The following ZSCAN21 variants were observed in gnomAD, a reference collection of about 807,000 sequenced individuals.
ZSCAN21 encodes zinc finger and SCAN domain containing 21, also known as zinc finger and SCAN domain-containing protein 21.
ZSCAN21 carries 26 observed loss-of-function variants against 35.6 expected under a neutral mutation model. The ratio of observed to expected loss-of-function variants is 0.73; its 90% CI spans 0.54 to 1.01. The LOEUF (loss-of-function observed/expected upper bound fraction) is 1.01, where lower values mean the gene tolerates loss of function less well. Ranked by LOEUF, ZSCAN21 falls within the 50% of genes least tolerant of loss-of-function variation. ZSCAN21 has a pLI of 0.00. For synonymous variants in ZSCAN21, 219 were observed against 219.3 expected (o/e 1.00, Z 0.01); for missense variants, 593 against 587.1 (o/e 1.01, Z -0.10).
In ZSCAN21 at chr7:100,049,780, G is replaced by GGGTGCGCGGTCCCGA. The variant is rs1791785242; in HGVS notation, c.-154_-140dup. On this transcript the variant is annotated 5_prime_UTR_variant, in exon 1 of 4. Coordinates refer to ENST00000292450, the MANE Select transcript of ZSCAN21 (RefSeq NM_145914.3). ...GGGGGCGGGGCTATGACGCACTTCC[G>GGGTGCGCGGTCCCGA]GGTGCGCGGTCCCGAGGTACGCGGT... 6.6e-6 allele frequency: 1 copy of GGGTGCGCGGTCCCGA among 152,318 alleles called. No individual in the cohort carries two copies. Among genetic ancestry groups the GGGTGCGCGGTCCCGA allele is most frequent in the Non-Finnish European group, 1.5e-5 (1 of 68,086 alleles). 9.4% of individuals were successfully genotyped at this position (152,318 alleles called of 1,614,324 possible).
At chr7:100,055,217 A>G (rs558940677) in intron 1 of ZSCAN21, among the ~76,000 whole-genome samples, 29 of 151,488 alleles carry the variant, frequency 1.9e-4, no homozygotes, top group Non-Finnish European at 3.7e-4. Context: ...TGGCCTCTCA[A>G]AGTGCTGGGA....
rs1562850874 is a variant in ZSCAN21, at chr7:100,064,021, CGTTA to C, written c.827_830del (p.Arg276LeufsTer209). Reference sequence around the variant, plus strand: ...TACTAAACCTACCCCAGGAGAGAGACGTTATATATGTGCTGAATGTGGCAAAGCC... The same window carrying C: ...TACTAAACCTACCCCAGGAGAGAGACTATATGTGCTGAATGTGGCAAAGCC... On this transcript the variant is annotated frameshift_variant, in exon 4 of 4. Coordinates refer to ENST00000292450, the MANE Select transcript of ZSCAN21 (RefSeq NM_145914.3). LOFTEE classifies it high-confidence loss of function. 4 of 1,614,082 alleles carry C rather than the reference CGTTA, an allele frequency of 2.5e-6. No individual in the cohort carries two copies. The highest frequency in any genetic ancestry group is 3.4e-6 in the Non-Finnish European group (4 of 1,180,010).
At chr7:100,062,632 C>A (rs1376367135) in intron 3 of ZSCAN21, among the ~76,000 whole-genome samples, 1 of 150,986 alleles carries the variant, frequency 6.6e-6, no homozygotes, top group Non-Finnish European at 1.5e-5. Context: ...GTGGCTCACG[C>A]CTGTAATCCC....
chr7:100,052,702 A>G (rs1377736609), intron 1 of ZSCAN21, among the ~76,000 whole-genome samples: 5 of 152,226 alleles, frequency 3.3e-5, no homozygotes, highest in African/African-American at 1.2e-4. Context: ...AGTTGTGAGT[A>G]TATAGATGGT....
Position 100,057,109 on chromosome 7 carries a change from G to A in ZSCAN21, c.103G>A (p.Gly35Ser). The change falls in exon 2 of 4, where the codon GGC becomes AGC. Residue 35 changes from glycine (G) to serine (S), a missense_variant. Coordinates refer to ENST00000292450, the MANE Select transcript of ZSCAN21 (RefSeq NM_145914.3). ...MVKVEEKEEKGKYLPSLEMFR... is the reference protein window; with the variant it reads ...MVKVEEKEEKSKYLPSLEMFR... The stretch of plus-strand genomic sequence containing the variant: ...AAAAGTCGAGGAGAAAGAAGAGAAA[G>A]GCAAGTACCTTCCTAGCCTGGAGAT... 2 of 1,614,142 alleles carry A rather than the reference G, an allele frequency of 1.2e-6. No individual in the cohort carries two copies. The highest frequency in any genetic ancestry group is 1.7e-6 in the Non-Finnish European group (2 of 1,180,030).
chr7:100,063,752 A>G, intron 3 of ZSCAN21, 36 bp from the exon 4 acceptor site: 1 of 1,552,826 alleles, frequency 6.4e-7, no homozygotes, highest in Non-Finnish European at 8.7e-7. Context: ...AGAACAAGAA[A>G]CAACTGAAGT....
At chr7:100,058,707 G>A (rs1792171743) in intron 3 of ZSCAN21, among the ~76,000 whole-genome samples, 1 of 152,178 alleles carries the variant, frequency 6.6e-6, no homozygotes, top group African/African-American at 2.4e-5. Context: ...CCCCTGTGGG[G>A]GTGTTTTTGT....
At chr7:100,051,597 C>T (rs1037507060) in intron 1 of ZSCAN21, 3 of 151,966 alleles carry the variant, frequency 2.0e-5, no homozygotes, top group African/African-American at 7.2e-5. Context: ...GCCGGGCCCC[C>T]TAGGGATTTT....
Position 100,063,914 on chromosome 7 carries a change from A to G in ZSCAN21, c.719A>G (p.Gln240Arg). The G allele has an allele frequency of 6.2e-7, 1 of 1,614,188 alleles. No homozygotes were observed. The highest frequency in any genetic ancestry group is 2.2e-5 in the East Asian group (1 of 44,884). ...AAACCTGAGGCCAGCTTAGAGAGGC[A>G]GTGCGTAAACCTTGAAAATGAAAAA... is the stretch of plus-strand genomic sequence containing the variant. The part of the protein sequence containing the change: ...ANKPEASLER[Q>R]CVNLENEKGT... The change falls in exon 4 of 4, where the codon CAG (glutamine) becomes CGG (arginine). Residue 240 changes from glutamine (Q) to arginine (R), a missense_variant. By Grantham distance (43) the Gln-to-Arg change is conservative. Coordinates refer to ENST00000292450, the MANE Select transcript of ZSCAN21 (RefSeq NM_145914.3).
chr7:100,053,546 A>ATACATACATAGTT (rs755978112), intron 1 of ZSCAN21, among the ~76,000 whole-genome samples: 10 of 79,488 alleles, frequency 1.3e-4, no homozygotes, highest in Middle Eastern at 5.0e-3. Flanking sequence ...TACATACATA[A>ATACATACATAGTT]TTTTTTTTTT....
chr7:100,063,653 A>G lies in ZSCAN21; in HGVS notation c.593-135A>G, dbSNP rs184267613. ...ATTGGATGCTGATTTACTTGTATCT[A>G]TGCGCTATCATGAGCTCTGTTTAGT... On this transcript the variant is annotated intron_variant, in intron 3 of 3. Coordinates refer to ENST00000292450, the MANE Select transcript of ZSCAN21 (RefSeq NM_145914.3). The G allele has an allele frequency of 5.3e-4, 397 of 744,876 alleles. No individual in the cohort carries two copies. The African/African-American group carries it at 5.8e-3, about 11-fold the overall frequency. The allele number at this position is 744,876 out of a possible 1,614,324, so 46.1% of individuals were successfully genotyped here.
chr7:100,064,006 AC>A lies in ZSCAN21; in HGVS notation c.815del (p.Pro272GlnfsTer214). The A allele has an allele frequency of 6.2e-7, 1 of 1,614,088 alleles. No homozygotes were observed. Among genetic ancestry groups the A allele is most frequent in the Non-Finnish European group, 8.5e-7 (1 of 1,180,002 alleles). On this transcript the variant is annotated frameshift_variant, in exon 4 of 4. Coordinates refer to ENST00000292450, the MANE Select transcript of ZSCAN21 (RefSeq NM_145914.3). LOFTEE classifies it high-confidence loss of function. ...KGRESVPTKP[T>X]PGERRYICAE... ...TAGAGAATCAGTTCCTACTAAACCT[AC>A]CCCAGGAGAGAGACGTTATATATGT...
rs373675497 is a variant in ZSCAN21 at position 100,064,762 on chromosome 7, A to G, written c.*145A>G. ...GGGATGCCTGAGGAGTGCGAGCTCC[A>G]CAGCAACATGGCAGGCAGGAGGTCC... On this transcript the variant is annotated 3_prime_UTR_variant, in exon 4 of 4. Coordinates refer to ENST00000292450, the MANE Select transcript of ZSCAN21 (RefSeq NM_145914.3). 50 of 1,614,124 alleles carry G rather than the reference A, an allele frequency of 3.1e-5. No individual in the cohort carries two copies. In the African/African-American group the frequency reaches 6.3e-4, roughly 20 times the overall value.
chr7:100,054,432 TAG>T (rs1792002342), intron 1 of ZSCAN21, among the ~76,000 whole-genome samples: 1 of 151,704 alleles, frequency 6.6e-6, no homozygotes, highest in Admixed American at 6.6e-5. Flanking sequence ...GTATTTTTAG[TAG>T]AGACGGGGTT....
intron 1 of ZSCAN21, among the ~76,000 whole-genome samples, chr7:100,052,807 A>G (rs1363338222): frequency 6.6e-6 from 1 of 152,052 alleles, no homozygotes; most frequent in Non-Finnish European, 1.5e-5. Context: ...GTCTTTATGC[A>G]TTGTACATTT....
chr7:100,053,546 A>T (rs113697967), intron 1 of ZSCAN21, among the ~76,000 whole-genome samples: 112 of 79,462 alleles, frequency 1.4e-3, no homozygotes, highest in African/African-American at 5.8e-3. Context: ...TACATACATA[A>T]TTTTTTTTTT....
chr7:100,057,185 G>A lies in ZSCAN21; in HGVS notation c.179G>A (p.Arg60Gln), dbSNP rs769583600. The change falls in exon 2 of 4, where the codon CGA becomes CAA. Residue 60 changes from arginine (R) to glutamine (Q), a missense_variant. By Grantham distance (43) the Arg-to-Gln change is conservative. Transcript: ENST00000292450. Reference sequence around the variant, plus strand: ...GGGTACCATGATACCCCTGGACCCCGAGAGGCCCTGAGCCAACTCCGGGTG... The same window carrying A: ...GGGTACCATGATACCCCTGGACCCCAAGAGGCCCTGAGCCAACTCCGGGTG... ...QFGYHDTPGP[R>Q]EALSQLRVLC... is the part of the protein sequence containing the mutation. 1.1e-5 allele frequency: 18 copies of A among 1,613,754 alleles called. No homozygotes were observed. Among genetic ancestry groups the A allele is most frequent in the East Asian group, 1.1e-4 (5 of 44,878 alleles).
In ZSCAN21 at chr7:100,064,199, G is replaced by GT; in HGVS notation, c.1005dup (p.Lys336Ter). On this transcript the variant is annotated frameshift_variant, in exon 4 of 4. Coordinates refer to ENST00000292450, the MANE Select transcript of ZSCAN21 (RefSeq NM_145914.3). LOFTEE classifies it high-confidence loss of function. ...CACTTGGTGGACCGGCCCTATGACTGTAAGTGTGGAAAAGCTTTTGGGCAG... is the reference window on the plus strand; with the variant it reads ...CACTTGGTGGACCGGCCCTATGACTGTTAAGTGTGGAAAAGCTTTTGGGCAG... 1 of 1,614,056 alleles carries GT rather than the reference G, an allele frequency of 6.2e-7. No individual in the cohort carries two copies. The highest frequency in any genetic ancestry group is 2.2e-5 in the East Asian group (1 of 44,888).
intron 1 of ZSCAN21, among the ~76,000 whole-genome samples, chr7:100,050,470 G>T (rs1051440399): frequency 2.0e-5 from 3 of 152,142 alleles, no homozygotes; most frequent in Non-Finnish European, 2.9e-5. Flanking sequence ...AGTTCGGGAG[G>T]CCGAGGCCGG....
Sources: allele counts gnomAD v4.1 joint callset (sites outside exome capture counted in the v4.1 genomes callset), GRCh38; gene constraint gnomAD v4.1.1; transcripts MANE v1.5; gene names NCBI Gene and HGNC (gene_info 2026-07-23, HGNC 2026-07-21).